The following CHCHD6 variants were observed in gnomAD, a reference collection of about 807,000 sequenced individuals.
The protein encoded by CHCHD6 is coiled-coil-helix-coiled-coil-helix domain containing 6, also known as MICOS complex subunit MIC25.
In CHCHD6, 28 loss-of-function variants were observed where a neutral mutation model predicts 32.3. That is an observed-to-expected ratio of 0.87 (90% CI 0.64 to 1.19). The LOEUF (loss-of-function observed/expected upper bound fraction) is 1.19. Ranked by LOEUF, CHCHD6 falls within the 50% of genes most tolerant of loss-of-function variation. CHCHD6 has a pLI of 0.00. For synonymous variants in CHCHD6, 122 were observed against 117.5 expected (o/e 1.04, Z -0.25); for missense variants, 333 against 307.0 (o/e 1.08, Z -0.63).
chr3:126,706,758 G>A (rs116612771), intron 1 of CHCHD6, among the ~76,000 whole-genome samples: 2,179 of 152,166 alleles, frequency 0.014, 26 homozygotes, highest in Non-Finnish European at 0.022. Flanking sequence ...TTACTTGAGG[G>A]TTGAGGAATT....
chr3:126,934,316 G>A (rs73861729), intron 6 of CHCHD6, among the ~76,000 whole-genome samples: 8,691 of 152,094 alleles, frequency 0.057, 782 homozygotes, highest in African/African-American at 0.19. Context: ...AGGAATGCCC[G>A]GGAGTTTTAC....
intron 4 of CHCHD6, among the ~76,000 whole-genome samples, chr3:126,849,635 C>T (rs909525401): frequency 6.6e-6 from 1 of 152,186 alleles, no homozygotes; most frequent in Non-Finnish European, 1.5e-5. Flanking sequence ...TGAAGACTTT[C>T]TTAGAAATCT....
intron 4 of CHCHD6, among the ~76,000 whole-genome samples, chr3:126,818,901 C>T (rs1299990567): frequency 3.9e-5 from 6 of 152,216 alleles, no homozygotes; most frequent in African/African-American, 1.4e-4. Context: ...TGTGCATGCC[C>T]ACTGCATCTG....
At chr3:126,705,092 C>T (rs969039733) in intron 1 of CHCHD6, among the ~76,000 whole-genome samples, 1 of 152,170 alleles carries the variant, frequency 6.6e-6, no homozygotes, top group African/African-American at 2.4e-5. Context: ...GGTCTGTGCG[C>T]CGGCTGTTCT....
intron 6 of CHCHD6, among the ~76,000 whole-genome samples, chr3:126,921,372 T>C (rs1413862805): frequency 6.6e-6 from 1 of 152,202 alleles, no homozygotes; most frequent in Non-Finnish European, 1.5e-5. Flanking sequence ...ATATTCAAAA[T>C]GTGTATGTAC....
chr3:126,768,162 A>C (rs1576392285), intron 4 of CHCHD6, among the ~76,000 whole-genome samples: 1 of 152,132 alleles, frequency 6.6e-6, no homozygotes, highest in African/African-American at 2.4e-5. Flanking sequence ...TCGTGGGGGT[A>C]GATTTCTCAT....
rs75442724 is a variant in CHCHD6 at position 126,723,062 on chromosome 3, T to G, written c.88-4016T>G. Among the ~76,000 whole-genome samples, 387 of 152,334 alleles carry G rather than the reference T, an allele frequency of 2.5e-3. 3 individuals carry two copies. The highest frequency in any genetic ancestry group is 8.9e-3 in the African/African-American group (369 of 41,582). On this transcript the variant is annotated intron_variant, in intron 1 of 7. Coordinates refer to ENST00000290913, the MANE Select transcript of CHCHD6 (RefSeq NM_032343.3). The stretch of plus-strand genomic sequence containing the variant: ...CAGCATCATTGGTTGAAGAGACCGC[T>G]CTTTCCCCACTGAACCATCTTGGCA...
intron 4 of CHCHD6, among the ~76,000 whole-genome samples, chr3:126,817,376 C>A (rs1327526830): frequency 1.3e-5 from 2 of 150,286 alleles, no homozygotes; most frequent in East Asian, 3.9e-4. Context: ...GCTTTCCTGG[C>A]AGATGTTGGA....
chr3:126,817,485 A>T (rs1048821090), intron 4 of CHCHD6, among the ~76,000 whole-genome samples: 1 of 152,086 alleles, frequency 6.6e-6, no homozygotes, highest in African/African-American at 2.4e-5. Flanking sequence ...CTGTGCTGTC[A>T]TCCACAGAAG....
chr3:126,909,441 C>T (rs1271063085), intron 5 of CHCHD6, among the ~76,000 whole-genome samples: 1 of 152,180 alleles, frequency 6.6e-6, no homozygotes, highest in Non-Finnish European at 1.5e-5. Context: ...CTTCCCTCAC[C>T]CTCACCCTTG....
intron 1 of CHCHD6, among the ~76,000 whole-genome samples, chr3:126,715,191 A>T (rs940346307): frequency 6.6e-6 from 1 of 152,162 alleles, no homozygotes; most frequent in Non-Finnish European, 1.5e-5. Flanking sequence ...TTGTCACCTC[A>T]GAGCAGCTCC....
intron 1 of CHCHD6, among the ~76,000 whole-genome samples, chr3:126,725,876 A>G (rs1446826497): frequency 6.6e-6 from 1 of 152,192 alleles, no homozygotes; most frequent in Admixed American, 6.5e-5. Context: ...TGAATTGAAA[A>G]GAGAGAGAGC....
intron 6 of CHCHD6, among the ~76,000 whole-genome samples, chr3:126,939,524 G>A (rs961642079): frequency 6.6e-6 from 1 of 152,204 alleles, no homozygotes; most frequent in Non-Finnish European, 1.5e-5. Flanking sequence ...TGCACCAGGA[G>A]ATGTGGGGGG....
chr3:126,783,833 T>TC (rs1218695314), intron 4 of CHCHD6, among the ~76,000 whole-genome samples: 1 of 152,086 alleles, frequency 6.6e-6, no homozygotes, highest in African/African-American at 2.4e-5. Context: ...CATGCAGGCC[T>TC]GCCATTTTAC....
At chr3:126,877,075 A>G (rs529578951) in intron 5 of CHCHD6, among the ~76,000 whole-genome samples, 1 of 152,306 alleles carries the variant, frequency 6.6e-6, no homozygotes, top group East Asian at 1.9e-4. Flanking sequence ...TTCTGCTAAA[A>G]TAAGGGGGAA....
At chr3:126,744,239 A>G (rs1936401564) in intron 4 of CHCHD6, among the ~76,000 whole-genome samples, 1 of 152,148 alleles carries the variant, frequency 6.6e-6, no homozygotes. Flanking sequence ...AAGTCTATTT[A>G]TGCAATTTAT....
At chr3:126,941,575 C>T (rs957627175) in intron 6 of CHCHD6, among the ~76,000 whole-genome samples, 4 of 152,142 alleles carry the variant, frequency 2.6e-5, no homozygotes, top group South Asian at 2.1e-4. Flanking sequence ...GGGATAAGTG[C>T]GTCCTTTTGA....
At chr3:126,738,816 A>G (rs1424495185) in intron 4 of CHCHD6, among the ~76,000 whole-genome samples, 1 of 152,258 alleles carries the variant, frequency 6.6e-6, no homozygotes, top group Non-Finnish European at 1.5e-5. Context: ...ACAAAGTTTA[A>G]AAAGGCTTTC....
intron 4 of CHCHD6, among the ~76,000 whole-genome samples, chr3:126,835,975 T>G (rs563062707): frequency 1.2e-4 from 19 of 152,378 alleles, no homozygotes; most frequent in African/African-American, 4.6e-4. Flanking sequence ...ATATTTTGTG[T>G]GCCTGTACAT....
Sources: gnomAD v4.1 joint callset for allele counts (sites outside exome capture counted in the v4.1 genomes callset) on GRCh38, gnomAD v4.1.1 for gene constraint, MANE v1.5 for transcripts, NCBI Gene and HGNC (gene_info 2026-07-23, HGNC 2026-07-21) for gene names.